COQ8A: variants seen among roughly 807,000 people sequenced by gnomAD.
COQ8A encodes atypical kinase COQ8A, mitochondrial.
A neutral mutation model predicts 65.0 loss-of-function variants in COQ8A; 51 were observed. The observed-to-expected ratio is 0.78, with a 90% CI of 0.63 to 0.99. The LOEUF (loss-of-function observed/expected upper bound fraction) is 0.99. COQ8A is among the 50% of genes least tolerant of loss of function. The pLI is 0.00. For missense variants in COQ8A, 940 were observed against 875.0 expected (o/e 1.07, Z -0.94); for synonymous variants, 371 against 353.2 (o/e 1.05, Z -0.57).
chr1:226,978,614 CCCACCTT>C (rs1659460357), intron 5 of COQ8A, among the ~76,000 whole-genome samples: 3 of 92,700 alleles, frequency 3.2e-5, no homozygotes, highest in South Asian at 4.4e-4. Context: ...TACACACCCG[CCCACCTT>C]ACACTCCACA....
chr1:226,981,025 A>T (rs1399685517), intron 5 of COQ8A, among the ~76,000 whole-genome samples: 1 of 152,248 alleles, frequency 6.6e-6, no homozygotes, highest in Non-Finnish European at 1.5e-5. Context: ...TGGGGGCCAG[A>T]GAGGAGGAAG....
rs778948697 is a variant in COQ8A at position 226,965,042 on chromosome 1, G to A, written c.220G>A (p.Gly74Ser). 8.1e-6 allele frequency: 13 copies of A among 1,613,886 alleles called. No homozygotes were observed. The highest frequency in any genetic ancestry group is 3.3e-5 in the Admixed American group (2 of 60,008). The change falls in exon 3 of 15, where the codon GGC becomes AGC. Residue 74 changes from glycine (G) to serine (S), a missense_variant. By Grantham distance (56) the Gly-to-Ser change is moderately conservative (BLOSUM62 0). Coordinates refer to ENST00000366777, the MANE Select transcript of COQ8A (RefSeq NM_020247.5). ...HEEYFAENFG[G>S]PEGEFHFSVP... is the part of the protein sequence containing the mutation. ...AGAATATTTTGCTGAGAACTTCGGC[G>A]GCCCAGAAGGGGAGTTCCACTTCTC...
chr1:226,984,766 G>T (rs1659974340), intron 12 of COQ8A, 110 bp from the exon 13 acceptor site: 1 of 1,487,302 alleles, frequency 6.7e-7, no homozygotes, highest in African/African-American at 1.4e-5. Flanking sequence ...AGAGCTCAGG[G>T]CTCTGGGAGT....
At position 226,965,112 on chromosome 1, in the gene COQ8A, C is replaced by T; in HGVS notation, c.290C>T (p.Ser97Phe). The change falls in exon 3 of 15, where the codon TCC becomes TTC. Residue 97 changes from serine to phenylalanine, a missense_variant. Physicochemically the swap from Ser to Phe is radical, Grantham distance 155. Transcript: ENST00000366777. ...AGASTDFSSA[S>F]APDQSAPPSL... ...GCCTCCACAGACTTCTCTTCAGCCTCCGCTCCCGACCAGTCAGCGCCCCCA... is the reference window on the plus strand; with the variant it reads ...GCCTCCACAGACTTCTCTTCAGCCTTCGCTCCCGACCAGTCAGCGCCCCCA... 6.2e-7 allele frequency: 1 copy of T among 1,614,018 alleles called. No homozygotes were observed.
rs557215916 is a variant in COQ8A at position 226,984,040 on chromosome 1, G to C, written c.1257-54G>C. The C allele has an allele frequency of 8.7e-3, 13,170 of 1,521,604 alleles. 74 individuals carry two copies. Among genetic ancestry groups the C allele is most frequent in the Non-Finnish European group, 0.011 (11,732 of 1,104,230 alleles). 94.3% of individuals were successfully genotyped at this position (1,521,604 alleles called of 1,614,324 possible). On this transcript the variant is annotated intron_variant, in intron 10 of 14. Transcript: ENST00000366777. ...CCTGGTTGGGGGGTGTGTGTGGGGGGGGGGACGGTGTGGAGGGCCTGTGGC... is the reference window on the plus strand; with the variant it reads ...CCTGGTTGGGGGGTGTGTGTGGGGGCGGGGACGGTGTGGAGGGCCTGTGGC...
chr1:226,955,059 G>T (rs1432164274), intron 1 of COQ8A, among the ~76,000 whole-genome samples: 1 of 152,110 alleles, frequency 6.6e-6, no homozygotes, highest in African/African-American at 2.4e-5. Flanking sequence ...GAACCTAAAG[G>T]CAGTGGAGGG....
intron 11 of COQ8A, 80 bp from the exon 12 acceptor site, chr1:226,984,468 A>T: frequency 7.3e-7 from 1 of 1,377,408 alleles, no homozygotes; most frequent in Non-Finnish European, 1.0e-6. Context: ...AACAGGAGGC[A>T]GGGGCTTCTC....
At chr1:226,984,798 T>C in intron 12 of COQ8A, 78 bp from the exon 13 acceptor site, 1 of 1,534,106 alleles carries the variant, frequency 6.5e-7, no homozygotes, top group South Asian at 1.1e-5. Context: ...CTGCCCTCTG[T>C]TGCACCCCCT....
At chr1:226,945,173 G>A (rs1318362101) in intron 1 of COQ8A, among the ~76,000 whole-genome samples, 1 of 152,186 alleles carries the variant, frequency 6.6e-6, no homozygotes, top group Non-Finnish European at 1.5e-5. Flanking sequence ...CCTCCTCCAG[G>A]TCAGTCGCCT....
intron 5 of COQ8A, among the ~76,000 whole-genome samples, chr1:226,979,069 C>T (rs1376666378): frequency 2.6e-5 from 4 of 152,332 alleles, no homozygotes; most frequent in Non-Finnish European, 4.4e-5. Context: ...GGTGTGCAGG[C>T]AGACCCTGCA....
intron 14 of COQ8A, among the ~76,000 whole-genome samples, 179 bp downstream of exon 14, chr1:226,985,519 G>T (rs951992866): frequency 6.6e-6 from 1 of 152,220 alleles, no homozygotes; most frequent in African/African-American, 2.4e-5. Context: ...CTGAGCGTGA[G>T]ATTTTCCGAG....
chr1:226,977,414 G>A (rs751783144), intron 4 of COQ8A, 35 bp from the exon 5 acceptor site: 13 of 1,546,944 alleles, frequency 8.4e-6, no homozygotes, highest in Admixed American at 2.0e-5. Flanking sequence ...CCAGCCCTGC[G>A]TGAGCACTGA....
At chr1:226,958,556 G>C (rs1036678498) in intron 1 of COQ8A, among the ~76,000 whole-genome samples, 2 of 152,226 alleles carry the variant, frequency 1.3e-5, no homozygotes, top group African/African-American at 4.8e-5. Context: ...GGCCAGGGCA[G>C]GTTCATCGGG....
At chr1:226,974,214 A>G (rs1659058553) in intron 4 of COQ8A, among the ~76,000 whole-genome samples, 1 of 152,196 alleles carries the variant, frequency 6.6e-6, no homozygotes, top group Non-Finnish European at 1.5e-5. Context: ...GTTGGCCTGC[A>G]GCCTGTGTTC....
At position 226,986,593 on chromosome 1, in the gene COQ8A, C is replaced by G. The variant is rs74589348; in HGVS notation, c.1800C>G (p.Val600=). Residue 600 remains valine, a synonymous_variant, in exon 15 of 15, where the codon GTC becomes GTG. Transcript: ENST00000366777. ...LIPVMLRHRL[V]PPPEETYSLH... ...CCGTCATGCTGAGGCACCGTCTCGT[C>G]CCCCCACCCGAGGAAACCTACTCCC... The G allele has an allele frequency of 1.4e-4, 225 of 1,613,838 alleles. No homozygotes were observed. In the African/African-American group the frequency reaches 2.5e-3, roughly 18 times the overall value.
intron 14 of COQ8A, 94 bp from the exon 15 acceptor site, chr1:226,986,359 T>G: frequency 1.1e-5 from 15 of 1,398,418 alleles, no homozygotes; most frequent in African/African-American, 1.4e-5. Flanking sequence ...GAGCTTTGAA[T>G]GAGAACTCAG....
intron 4 of COQ8A, among the ~76,000 whole-genome samples, chr1:226,969,730 T>TA (rs1658776734): frequency 6.6e-6 from 1 of 152,212 alleles, no homozygotes; most frequent in African/African-American, 2.4e-5. Flanking sequence ...TTATGTTTAA[T>TA]GCATATCTAT....
At chr1:226,953,771 G>A (rs1273263611) in intron 1 of COQ8A, among the ~76,000 whole-genome samples, 3 of 152,298 alleles carry the variant, frequency 2.0e-5, no homozygotes, top group Admixed American at 1.3e-4. Flanking sequence ...TGGACCTCGC[G>A]AGATAGAAGC....
chr1:226,955,275 C>T (rs372618253), intron 1 of COQ8A, among the ~76,000 whole-genome samples: 1 of 152,076 alleles, frequency 6.6e-6, no homozygotes, highest in East Asian at 1.9e-4. Context: ...GCTAGGCTTG[C>T]AGCAGACAGC....
Sources: allele counts gnomAD v4.1 joint callset (sites outside exome capture counted in the v4.1 genomes callset), GRCh38; gene constraint gnomAD v4.1.1; transcripts MANE v1.5; gene names NCBI Gene and HGNC (gene_info 2026-07-23, HGNC 2026-07-21).